SLC38A1: variants seen among roughly 807,000 people sequenced by gnomAD.
The protein encoded by SLC38A1 is solute carrier family 38 member 1.
SLC38A1 carries 18 observed loss-of-function variants against 60.3 expected under a neutral mutation model. The ratio of observed to expected loss-of-function variants is 0.30; its 90% confidence interval spans 0.21 to 0.44. The LOEUF (loss-of-function observed/expected upper bound fraction) is 0.44. Ranked by LOEUF, SLC38A1 falls within the 20% of genes least tolerant of loss-of-function variation. The pLI is 1.00. For missense variants in SLC38A1, 448 were observed against 587.2 expected, an observed-to-expected ratio of 0.76 and a Z score of 2.45; for synonymous variants, 196 against 212.1, an observed-to-expected ratio of 0.92 and a Z score of 0.66.
intron 3 of SLC38A1, among the ~76,000 whole-genome samples, chr12:46,236,478 T>C (rs1031553986): frequency 2.6e-5 from 4 of 152,138 alleles, no homozygotes; most frequent in African/African-American, 9.7e-5. Flanking sequence ...ATCCCCATCT[T>C]AAAGGGATGG....
intron 1 of SLC38A1, among the ~76,000 whole-genome samples, chr12:46,247,992 T>C (rs2138555726): frequency 6.6e-6 from 1 of 152,246 alleles, no homozygotes; most frequent in Middle Eastern, 3.4e-3. Context: ...TGCTGAGAGA[T>C]TTTGTCACCA....
At chr12:46,246,245 C>T (rs1343494391) in intron 1 of SLC38A1, among the ~76,000 whole-genome samples, 2 of 152,316 alleles carry the variant, frequency 1.3e-5, no homozygotes, top group African/African-American at 2.4e-5. Flanking sequence ...GAATTTCCCT[C>T]GTCAGGCCAA....
At chr12:46,203,777 G>A (rs1939767687) in intron 11 of SLC38A1, among the ~76,000 whole-genome samples, 1 of 152,186 alleles carries the variant, frequency 6.6e-6, no homozygotes, top group South Asian at 2.1e-4. Context: ...ACAAAACCTT[G>A]TAAGATACAG....
chr12:46,192,046 C>T (rs1939166865), intron 16 of SLC38A1, among the ~76,000 whole-genome samples: 2 of 152,200 alleles, frequency 1.3e-5, no homozygotes, highest in African/African-American at 4.8e-5. Flanking sequence ...TTTGCCCATT[C>T]AGTATGATAT....
In SLC38A1 at chr12:46,253,454, G is replaced by A. The variant is rs141824547; in HGVS notation, c.-208-10140C>T. Among the ~76,000 whole-genome samples, 903 of 152,276 alleles carry A rather than the reference G, an allele frequency of 5.9e-3. 6 individuals are homozygous for A. Among genetic ancestry groups the A allele is most frequent in the Admixed American group, 9.6e-3 (147 of 15,294 alleles). On this transcript the variant is annotated intron_variant, in intron 1 of 16. Coordinates refer to ENST00000398637, the MANE Select transcript of SLC38A1 (RefSeq NM_030674.4). ...TGCCTCCCCTTTTTAGACCATATAG[G>A]GCAACTTCCAGATGTTGCCATGGCA... is the stretch of plus-strand genomic sequence containing the variant.
chr12:46,252,218 C>A (rs1259690027), intron 1 of SLC38A1, among the ~76,000 whole-genome samples: 3 of 152,144 alleles, frequency 2.0e-5, no homozygotes, highest in African/African-American at 7.2e-5. Context: ...AACCATCATT[C>A]TCAGCAAACT....
chr12:46,205,475 T>G (rs1404914318), intron 9 of SLC38A1, among the ~76,000 whole-genome samples: 1 of 152,146 alleles, frequency 6.6e-6, no homozygotes, highest in Non-Finnish European at 1.5e-5. Flanking sequence ...TAGATGGCAG[T>G]CTGGTCACAT....
chr12:46,228,563 G>A (rs2125644), intron 5 of SLC38A1, among the ~76,000 whole-genome samples: 23,077 of 152,062 alleles, frequency 0.15, 3,496 homozygotes, highest in East Asian at 0.46. Context: ...TCTTAATCTT[G>A]TTCCAACTAA....
At chr12:46,230,374 A>C (rs542028857) in intron 3 of SLC38A1, among the ~76,000 whole-genome samples, 151 of 152,326 alleles carry the variant, frequency 9.9e-4, no homozygotes, top group Non-Finnish European at 1.7e-3. Context: ...GTCAGAGCCA[A>C]GGCTTTGAGA....
intron 5 of SLC38A1, among the ~76,000 whole-genome samples, chr12:46,214,303 G>A (rs1444968058): frequency 6.6e-6 from 1 of 152,160 alleles, no homozygotes; most frequent in Non-Finnish European, 1.5e-5. Flanking sequence ...ATTTGTCACA[G>A]TGGTCCTAGA....
At chr12:46,205,708 A>G (rs1446310716) in intron 9 of SLC38A1, among the ~76,000 whole-genome samples, 3 of 152,170 alleles carry the variant, frequency 2.0e-5, no homozygotes, top group African/African-American at 7.2e-5. Flanking sequence ...TTCTGTCTCC[A>G]TATTAGATTT....
chr12:46,246,725 G>A (rs528477186), intron 1 of SLC38A1, among the ~76,000 whole-genome samples: 10 of 152,350 alleles, frequency 6.6e-5, no homozygotes, highest in Admixed American at 2.0e-4. Flanking sequence ...CCTGACCCCC[G>A]TTTAGCCTAA....
chr12:46,204,574 A>G lies in SLC38A1; in HGVS notation c.663T>C (p.Thr221=), dbSNP rs1412697891. The part of the protein sequence containing the change: ...LLKNLGYLGY[T]SGFSLSCMVF... ...CCATACAGCTCAAGGAAAATCCACTAGTATAGCCAAGATACCCTTTAAAAA... is the reference window on the plus strand; with the variant it reads ...CCATACAGCTCAAGGAAAATCCACTGGTATAGCCAAGATACCCTTTAAAAA... Residue 221 remains threonine (T), a synonymous_variant, in exon 10 of 17, where the codon ACT becomes ACC. Transcript: ENST00000398637. 6.2e-7 allele frequency: 1 copy of G among 1,608,308 alleles called. No homozygotes were observed. Among genetic ancestry groups the G allele is most frequent in the Non-Finnish European group, 8.5e-7 (1 of 1,177,924 alleles).
intron 2 of SLC38A1, 125 bp from the exon 3 acceptor site, chr12:46,240,018 C>A (rs1788423032): frequency 2.0e-6 from 1 of 493,204 alleles, no homozygotes; most frequent in South Asian, 2.5e-5. Flanking sequence ...CTACTAGATG[C>A]ATTAAAGCAA....
intron 3 of SLC38A1, among the ~76,000 whole-genome samples, chr12:46,234,521 C>T (rs969370101): frequency 6.7e-6 from 1 of 149,458 alleles, no homozygotes; most frequent in African/African-American, 2.5e-5. Context: ...TATCTCGGCT[C>T]ACTGCAAGCT....
intron 16 of SLC38A1, among the ~76,000 whole-genome samples, chr12:46,193,576 G>A (rs1056800871): frequency 9.9e-5 from 15 of 152,148 alleles, no homozygotes; most frequent in Admixed American, 5.9e-4. Context: ...AAGTCTCTTC[G>A]TAGGTCTCTA....
intron 1 of SLC38A1, among the ~76,000 whole-genome samples, chr12:46,253,730 G>T (rs1019431795): frequency 1.3e-5 from 2 of 152,142 alleles, no homozygotes; most frequent in African/African-American, 4.8e-5. Flanking sequence ...TTAAAATGGA[G>T]TTGCTCTGGT....
intron 13 of SLC38A1, 72 bp from the exon 14 acceptor site, chr12:46,198,815 A>C (rs767573077): frequency 1.8e-4 from 157 of 895,650 alleles, no homozygotes; most frequent in Non-Finnish European, 2.6e-4. Flanking sequence ...TTTTTCTGAA[A>C]AACAAAGAAT....
intron 3 of SLC38A1, among the ~76,000 whole-genome samples, chr12:46,238,396 C>CT (rs746026278): frequency 1.3e-5 from 2 of 152,162 alleles, no homozygotes; most frequent in Admixed American, 1.3e-4. Context: ...CTATGCTGGG[C>CT]TTTTAATCAC....
Sources: gnomAD v4.1 joint callset for allele counts (sites outside exome capture counted in the v4.1 genomes callset) on GRCh38, gnomAD v4.1.1 for gene constraint, MANE v1.5 for transcripts, NCBI Gene and HGNC (gene_info 2026-07-23, HGNC 2026-07-21) for gene names.